Variants in TMEM117 observed in about 807,000 individuals in gnomAD.
TMEM117 encodes the protein transmembrane protein 117.
A neutral mutation model predicts 52.4 loss-of-function variants in TMEM117; 27 were observed. That is an observed-to-expected ratio of 0.51 (90% CI 0.38 to 0.71). TMEM117 has a LOEUF of 0.71. Among genes scored for constraint, TMEM117 ranks in the 30% least tolerant of loss-of-function variants. The pLI, the probability that TMEM117 is intolerant of heterozygous loss-of-function variation, is 0.00. For synonymous variants in TMEM117, 215 were observed against 206.3 expected (o/e 1.04, Z -0.36); for missense variants, 556 against 630.5 (o/e 0.88, Z 1.26).
At chr12:44,120,955 G>C (rs1174637143) in intron 3 of TMEM117, among the ~76,000 whole-genome samples, 1 of 152,150 alleles carries the variant, frequency 6.6e-6, no homozygotes, top group Non-Finnish European at 1.5e-5. Flanking sequence ...CCAAGACTGG[G>C]CAATTTACAA....
At chr12:43,951,533 C>T (rs1230221993) in intron 3 of TMEM117, among the ~76,000 whole-genome samples, 1 of 152,162 alleles carries the variant, frequency 6.6e-6, no homozygotes, top group Non-Finnish European at 1.5e-5. Flanking sequence ...CGCAGTGCAG[C>T]AAAACAGCTG....
chr12:43,908,260 A>C lies in TMEM117; in HGVS notation c.278-35950A>C, dbSNP rs1435878125. 3.3e-3 allele frequency among the ~76,000 whole-genome samples: 246 copies of C among 74,954 alleles called. 2 individuals are homozygous for C. Among genetic ancestry groups the C allele is most frequent in the African/African-American group, 7.0e-3 (235 of 33,812 alleles). The allele number at this position is 74,954 out of a possible 152,430, so 49.2% of individuals were successfully genotyped here. A position where few individuals can be genotyped will look rare whatever the true frequency, so the allele number is the denominator to read the frequency against. ...CCAGCCAAACTAAGCTTCATAAGTG[A>C]AGGAGAAATAAAATCCTTTACAGAC... On this transcript the variant is annotated intron_variant, in intron 2 of 7. Transcript: ENST00000266534.
chr12:43,883,511 A>G (rs12228658), intron 2 of TMEM117, among the ~76,000 whole-genome samples: 2 of 152,160 alleles, frequency 1.3e-5, no homozygotes, highest in African/African-American at 2.4e-5. Context: ...ATGAGCCAAC[A>G]TCCAGCTATC....
intron 3 of TMEM117, among the ~76,000 whole-genome samples, chr12:44,102,424 T>C (rs1335169855): frequency 6.6e-6 from 1 of 151,990 alleles, no homozygotes; most frequent in African/African-American, 2.4e-5. Context: ...TTCTTTTTTT[T>C]CCCCTCAGTA....
At chr12:44,279,463 A>C (rs1197898127) in intron 5 of TMEM117, among the ~76,000 whole-genome samples, 2 of 152,088 alleles carry the variant, frequency 1.3e-5, no homozygotes, top group East Asian at 3.9e-4. Context: ...TTACAAGGAA[A>C]ATATCTGAAA....
At chr12:44,380,555 A>G (rs531829859) in intron 7 of TMEM117, among the ~76,000 whole-genome samples, 12 of 152,306 alleles carry the variant, frequency 7.9e-5, no homozygotes, top group African/African-American at 2.6e-4. Context: ...TAGCTTTGCT[A>G]CTTACTGGTG....
At chr12:44,216,269 A>G (rs73102910) in intron 5 of TMEM117, among the ~76,000 whole-genome samples, 16,126 of 151,930 alleles carry the variant, frequency 0.11, 942 homozygotes, top group Middle Eastern at 0.2. Context: ...GCCTCACAAA[A>G]TTCTGGGATT....
chr12:44,202,376 C>G (rs1389895703), intron 4 of TMEM117, among the ~76,000 whole-genome samples: 1 of 150,580 alleles, frequency 6.6e-6, no homozygotes, highest in African/African-American at 2.5e-5. Flanking sequence ...AAAGCCATTT[C>G]TGCATCTATT....
intron 3 of TMEM117, among the ~76,000 whole-genome samples, chr12:44,107,193 A>G (rs925107125): frequency 1.3e-5 from 2 of 152,130 alleles, no homozygotes; most frequent in African/African-American, 4.8e-5. Flanking sequence ...TGTAAAACTA[A>G]GAAAATTGAA....
At chr12:43,827,138 T>A in the TMEM117 span, among the ~76,000 whole-genome samples, 7 of 151,826 alleles carry the variant, frequency 4.6e-5, no homozygotes, top group Non-Finnish European at 1.0e-4. Context: ...CACTTAATTA[T>A]TCTGCATAAA....
intron 4 of TMEM117, among the ~76,000 whole-genome samples, chr12:44,174,158 A>G (rs546036371): frequency 6.6e-6 from 1 of 152,294 alleles, no homozygotes; most frequent in South Asian, 2.1e-4. Flanking sequence ...TATAGAACAT[A>G]CTTTGTGAAT....
intron 5 of TMEM117, among the ~76,000 whole-genome samples, chr12:44,259,432 C>G (rs987161029): frequency 2.0e-5 from 3 of 152,174 alleles, no homozygotes; most frequent in South Asian, 2.1e-4. Context: ...GTTTGTCAGT[C>G]TTTATGGTCT....
intron 4 of TMEM117, among the ~76,000 whole-genome samples, chr12:44,146,167 G>T (rs1948639304): frequency 6.6e-6 from 1 of 152,114 alleles, no homozygotes; most frequent in African/African-American, 2.4e-5. Context: ...TTCTGCACTT[G>T]TCTGCCACTT....
At position 44,352,693 on chromosome 12, in the gene TMEM117, C is replaced by T. The variant is rs1366016378; in HGVS notation, c.769-23902C>T. Reference sequence around the variant, plus strand: ...GCCACATTTTCTTAATTCAGTCTATCATTGTTGGACATTTGGGTTGGTTCC... The same window carrying T: ...GCCACATTTTCTTAATTCAGTCTATTATTGTTGGACATTTGGGTTGGTTCC... On this transcript the variant is annotated intron_variant, in intron 6 of 7. Coordinates refer to ENST00000266534, the MANE Select transcript of TMEM117 (RefSeq NM_032256.3). 2.6e-5 allele frequency among the ~76,000 whole-genome samples: 4 copies of T among 152,166 alleles called. 1 individual carries two copies. Among genetic ancestry groups the T allele is most frequent in the Admixed American group, 2.0e-4 (3 of 15,268 alleles).
chr12:44,053,278 G>A (rs1947003261), intron 3 of TMEM117, among the ~76,000 whole-genome samples: 1 of 152,116 alleles, frequency 6.6e-6, no homozygotes, highest in Non-Finnish European at 1.5e-5. Flanking sequence ...CAAGACTTAG[G>A]AAAGCGCTGT....
chr12:43,891,303 T>A (rs891053058), intron 2 of TMEM117, among the ~76,000 whole-genome samples: 2 of 151,984 alleles, frequency 1.3e-5, no homozygotes, highest in African/African-American at 4.8e-5. Context: ...AGTCTTAACT[T>A]TTCCAGATTC....
At chr12:43,999,294 A>C (rs1237104769) in intron 3 of TMEM117, among the ~76,000 whole-genome samples, 2 of 152,192 alleles carry the variant, frequency 1.3e-5, no homozygotes, top group African/African-American at 4.8e-5. Flanking sequence ...GCTTCCAAAA[A>C]GGTTTCTTTT....
intron 2 of TMEM117, among the ~76,000 whole-genome samples, chr12:43,882,035 G>A (rs1260931284): frequency 6.6e-6 from 1 of 151,874 alleles, no homozygotes; most frequent in Admixed American, 6.6e-5. Context: ...TCGAGCCACT[G>A]CACTCCAGCC....
rs866166651 is a variant in TMEM117 at position 44,248,248 on chromosome 12, T to C, written c.608+36861T>C. On this transcript the variant is annotated intron_variant, in intron 5 of 7. Transcript: ENST00000266534. Reference sequence around the variant, plus strand: ...GCCCCAAGGCTTCCATTATACCCAGTCTTGGGGAGGGTGCACCATTTACAT... The same window carrying C: ...GCCCCAAGGCTTCCATTATACCCAGCCTTGGGGAGGGTGCACCATTTACAT... Among the ~76,000 whole-genome samples the C allele has an allele frequency of 5.2e-4, 79 of 152,170 alleles. No homozygotes were observed. In the Middle Eastern group the frequency reaches 0.034, roughly 66 times the overall value.
Sources: allele counts gnomAD v4.1 joint callset (sites outside exome capture counted in the v4.1 genomes callset), GRCh38; gene constraint gnomAD v4.1.1; transcripts MANE v1.5; gene names NCBI Gene and HGNC (gene_info 2026-07-23, HGNC 2026-07-21).